CSMD2: variants seen among roughly 807,000 people sequenced by gnomAD.
CSMD2 encodes the protein CUB and sushi domain-containing protein 2.
A neutral mutation model predicts 398.5 loss-of-function variants in CSMD2; 130 were observed. That is an observed-to-expected ratio of 0.33 (90% CI 0.28 to 0.38). The LOEUF is 0.38. CSMD2 is among the 10% of genes least tolerant of loss of function. The probability of loss-of-function intolerance (pLI) is 1.00; values close to 1 mark genes in which losing one functional copy is unlikely to be tolerated. For synonymous variants in CSMD2, 1,828 were observed against 1,908.5 expected, an observed-to-expected ratio of 0.96 and a Z score of 1.10; for missense variants, 3,829 against 4,764.9, an observed-to-expected ratio of 0.80 and a Z score of 5.78.
chr1:34,088,924 A>T lies in CSMD2; in HGVS notation c.404+53T>A, dbSNP rs1252210671. On this transcript the variant is annotated intron_variant, in intron 2 of 70. Coordinates refer to ENST00000373381, the MANE Select transcript of CSMD2 (RefSeq NM_001281956.2). ...CTCGAGAAAGATCTTCCTCCTAGTG[A>T]GCTTGGCTCATAGCCCAGCTGTTTG... The T allele has an allele frequency of 2.1e-6, 3 of 1,440,758 alleles. No individual in the cohort carries two copies. The African/African-American group carries it at 4.2e-5, about 20-fold the overall frequency. 89.2% of individuals were successfully genotyped at this position (1,440,758 alleles called of 1,614,324 possible). A position where few individuals can be genotyped will look rare whatever the true frequency, so the allele number is the denominator to read the frequency against.
At chr1:33,902,911 A>G (rs1366560573) in intron 5 of CSMD2, among the ~76,000 whole-genome samples, 1 of 152,184 alleles carries the variant, frequency 6.6e-6, no homozygotes, top group Admixed American at 6.5e-5. Flanking sequence ...CTGGTGGGAC[A>G]GGTTGCTGGC....
chr1:33,631,997 A>G (rs1469697063), intron 32 of CSMD2, among the ~76,000 whole-genome samples: 2 of 152,098 alleles, frequency 1.3e-5, no homozygotes, highest in Non-Finnish European at 2.9e-5. Flanking sequence ...AGGAATAAAT[A>G]GACACTTGGA....
Position 33,662,909 on chromosome 1 carries a change from G to A in CSMD2, c.4236C>T (p.Gly1412=), listed in dbSNP as rs1204845434. 2 of 1,614,192 alleles carry A rather than the reference G, an allele frequency of 1.2e-6. No homozygotes were observed. Among genetic ancestry groups the A allele is most frequent in the Non-Finnish European group, 1.7e-6 (2 of 1,180,036 alleles). ...FSTDFFTSKQ[G]FAIQFSVSTA... ...ACAGACCTGAAAATTGAATGGCAAA[G>A]CCCTGCTTGCTGGTGAAGAAGTCAG... The change falls in exon 26 of 71, where the codon GGC becomes GGT. Residue 1412 remains glycine, a synonymous_variant. Coordinates refer to ENST00000373381, the MANE Select transcript of CSMD2 (RefSeq NM_001281956.2).
At chr1:34,005,603 C>T (rs1647031457) in intron 3 of CSMD2, among the ~76,000 whole-genome samples, 1 of 152,212 alleles carries the variant, frequency 6.6e-6, no homozygotes, top group African/African-American at 2.4e-5. Flanking sequence ...GCCCATCAAG[C>T]TTGAACCTTC....
Position 33,662,988 on chromosome 1 carries a change from G to T in CSMD2, c.4157C>A (p.Ala1386Asp). The change falls in exon 26 of 71, where the codon GCC becomes GAC. Residue 1386 changes from alanine (A) to aspartate (D), a missense_variant. Ala to Asp is a moderately radical substitution (Grantham distance 126, BLOSUM62 -2). Around this residue, in one of 5 missense-constraint regions of CSMD2, gnomAD observed 2,001 missense variants for 2,567.1 expected, o/e 0.78. Coordinates refer to ENST00000373381, the MANE Select transcript of CSMD2 (RefSeq NM_001281956.2). Reference protein sequence around the residue: ...GVLLKELSGPALPKDLHSTFN... With the variant: ...GVLLKELSGPDLPKDLHSTFN... ...GGTGCTATGCAGGTCCTTGGGCAGG[G>T]CCGGGCCACTCAGCTCCTTCAGCAG... 6.2e-7 allele frequency: 1 copy of T among 1,614,130 alleles called. No homozygotes were observed. The highest frequency in any genetic ancestry group is 8.5e-7 in the Non-Finnish European group (1 of 1,180,000).
intron 1 of CSMD2, among the ~76,000 whole-genome samples, chr1:34,143,809 A>G (rs78569017): frequency 1.7e-4 from 26 of 152,228 alleles, no homozygotes; most frequent in Non-Finnish European, 3.2e-4. Context: ...ATTCAAGTCA[A>G]TTTTGGCCCC....
intron 14 of CSMD2, among the ~76,000 whole-genome samples, chr1:33,740,774 C>G (rs1177966765): frequency 6.6e-6 from 1 of 152,218 alleles, no homozygotes; most frequent in African/African-American, 2.4e-5. Flanking sequence ...ATGCATCAGT[C>G]ATACACATGT....
intron 11 of CSMD2, 132 bp downstream of exon 11, chr1:33,792,291 G>A (rs2124874234): frequency 1.4e-6 from 1 of 692,616 alleles, no homozygotes. Context: ...GATTATTGCT[G>A]AAACTAGGAA....
chr1:33,927,044 C>G (rs1248477234), intron 4 of CSMD2, among the ~76,000 whole-genome samples: 1 of 152,198 alleles, frequency 6.6e-6, no homozygotes, highest in Non-Finnish European at 1.5e-5. Context: ...CCCTCAGCCT[C>G]TGTGGAAATG....
At chr1:33,612,515 T>A (rs1641075355) in intron 40 of CSMD2, among the ~76,000 whole-genome samples, 1 of 152,232 alleles carries the variant, frequency 6.6e-6, no homozygotes, top group Non-Finnish European at 1.5e-5. Context: ...TACAGTTTTT[T>A]ACATAATATT....
intron 29 of CSMD2, among the ~76,000 whole-genome samples, chr1:33,646,374 T>C (rs1032431139): frequency 1.3e-5 from 2 of 152,084 alleles, no homozygotes; most frequent in African/African-American, 4.8e-5. Context: ...ATGACCCTCA[T>C]AGAAAAAGAG....
chr1:33,955,745 C>T (rs1645145712), intron 3 of CSMD2, among the ~76,000 whole-genome samples: 1 of 116,098 alleles, frequency 8.6e-6, no homozygotes, highest in South Asian at 2.7e-4. Context: ...TCATCACCAC[C>T]ATCACCATCA....
intron 3 of CSMD2, among the ~76,000 whole-genome samples, chr1:33,995,684 C>T (rs1000478441): frequency 6.6e-5 from 10 of 152,202 alleles, no homozygotes; most frequent in South Asian, 2.1e-4. Context: ...TGTTCAAATT[C>T]AGCTTCCAGC....
chr1:33,558,400 T>C (rs1658240675), intron 54 of CSMD2, among the ~76,000 whole-genome samples: 2 of 152,224 alleles, frequency 1.3e-5, no homozygotes, highest in African/African-American at 4.8e-5. Flanking sequence ...CATATTAATA[T>C]CCTGGGGGAT....
chr1:33,887,894 G>A (rs1558056050), intron 5 of CSMD2, among the ~76,000 whole-genome samples: 1 of 152,102 alleles, frequency 6.6e-6, no homozygotes, highest in Non-Finnish European at 1.5e-5. Flanking sequence ...TATTAGGGCT[G>A]ATGAGAGAGT....
intron 3 of CSMD2, among the ~76,000 whole-genome samples, chr1:33,957,385 CATT>C (rs1439426048): frequency 2.0e-5 from 3 of 152,130 alleles, no homozygotes; most frequent in Non-Finnish European, 4.4e-5. Context: ...AGATGGCAGT[CATT>C]ATTATTATCA....
intron 19 of CSMD2, among the ~76,000 whole-genome samples, chr1:33,716,904 C>T (rs1646191094): frequency 1.3e-5 from 2 of 152,090 alleles, no homozygotes; most frequent in South Asian, 2.1e-4. Context: ...ATATACCAGA[C>T]ATTAAACGAA....
At chr1:34,102,895 T>C (rs1660123371) in intron 1 of CSMD2, among the ~76,000 whole-genome samples, 1 of 152,216 alleles carries the variant, frequency 6.6e-6, no homozygotes, top group African/African-American at 2.4e-5. Flanking sequence ...CTCTGCCATA[T>C]ATTTTCCTCT....
intron 44 of CSMD2, among the ~76,000 whole-genome samples, chr1:33,587,960 A>C (rs563891932): frequency 1.3e-5 from 2 of 152,236 alleles, no homozygotes; most frequent in Non-Finnish European, 2.9e-5. Context: ...TATATTAAAA[A>C]AGTGTTCTTT....
Sources: gnomAD v4.1 joint callset for allele counts (sites outside exome capture counted in the v4.1 genomes callset) on GRCh38, gnomAD v4.1.1 for gene constraint, gnomAD v4.1.1 regional missense constraint, MANE v1.5 for transcripts, NCBI Gene and HGNC (gene_info 2026-07-23, HGNC 2026-07-21) for gene names.